ZFHX3: variants seen among roughly 807,000 people sequenced by gnomAD.
The protein encoded by ZFHX3 is zinc finger homeobox 3.
In ZFHX3, 42 loss-of-function variants were observed where a neutral mutation model predicts 279.1. That is an observed-to-expected ratio of 0.15 (90% confidence interval 0.12 to 0.19). The LOEUF (loss-of-function observed/expected upper bound fraction) is 0.19, where lower values mean the gene tolerates loss of function less well. ZFHX3 is among the 10% of genes least tolerant of loss of function. The pLI, the probability that ZFHX3 is intolerant of heterozygous loss-of-function variation, is 1.00. For missense variants in ZFHX3, 4,981 were observed against 4,754.0 expected (o/e 1.05, Z -1.40); for synonymous variants, 2,293 against 1,957.8 (o/e 1.17, Z -4.52).
chr16:73,298,233 TTA>T (rs201051677), intron 4 of ZFHX3, among the ~76,000 whole-genome samples: 4 of 151,170 alleles, frequency 2.6e-5, no homozygotes, highest in African/African-American at 9.8e-5. Flanking sequence ...TTTTTTTTTT[TTA>T]TATGGAGCTT....
chr16:73,383,401 C>CA (rs2016847760), intron 3 of ZFHX3, among the ~76,000 whole-genome samples: 1 of 152,198 alleles, frequency 6.6e-6, no homozygotes, highest in South Asian at 2.1e-4. Context: ...GCTGGTAACT[C>CA]AGGCTCCGTG....
chr16:72,965,593 T>C (rs1163128747), intron 1 of ZFHX3, among the ~76,000 whole-genome samples: 6 of 152,176 alleles, frequency 3.9e-5, no homozygotes, highest in Non-Finnish European at 8.8e-5. Flanking sequence ...GAATCCATGC[T>C]AAAAGGTCTC....
intron 3 of ZFHX3, among the ~76,000 whole-genome samples, chr16:73,409,805 G>C (rs1163297095): frequency 6.6e-6 from 1 of 152,178 alleles, no homozygotes; most frequent in African/African-American, 2.4e-5. Context: ...CCTATAATTT[G>C]CAGCAACATA....
intron 1 of ZFHX3, among the ~76,000 whole-genome samples, chr16:73,035,598 A>G (rs963014743): frequency 3.9e-5 from 6 of 152,378 alleles, no homozygotes; most frequent in East Asian, 1.9e-4. Context: ...TTAAAAAATA[A>G]TAATAGGCCA....
intron 5 of ZFHX3, among the ~76,000 whole-genome samples, chr16:73,202,462 A>G (rs1270208537): frequency 6.6e-6 from 1 of 152,248 alleles, no homozygotes; most frequent in Non-Finnish European, 1.5e-5. Context: ...CAGCCCAGCC[A>G]TATGGCCAGT....
At chr16:72,918,542 G>A (rs1250957916) in intron 3 of ZFHX3, among the ~76,000 whole-genome samples, 3 of 152,050 alleles carry the variant, frequency 2.0e-5, no homozygotes, top group Admixed American at 6.5e-5. Context: ...AGAGGAACAG[G>A]ACAAAAGTAT....
At chr16:73,388,476 T>A (rs1216392217) in intron 3 of ZFHX3, among the ~76,000 whole-genome samples, 2 of 152,158 alleles carry the variant, frequency 1.3e-5, no homozygotes, top group African/African-American at 4.8e-5. Context: ...ACCAAAAATA[T>A]CCTAGTCCCT....
At chr16:73,405,924 A>G (rs968703471) in intron 3 of ZFHX3, among the ~76,000 whole-genome samples, 6 of 152,342 alleles carry the variant, frequency 3.9e-5, no homozygotes, top group African/African-American at 1.4e-4. Context: ...CAAAATGTAA[A>G]TCTTTTCTTG....
intron 4 of ZFHX3, among the ~76,000 whole-genome samples, chr16:73,266,500 A>C (rs1341766970): frequency 6.6e-6 from 1 of 152,178 alleles, no homozygotes; most frequent in South Asian, 2.1e-4. Flanking sequence ...AATTTTTACA[A>C]TGCTACTGTG....
At chr16:73,591,078 G>C (rs1260915047) in intron 2 of ZFHX3, among the ~76,000 whole-genome samples, 1 of 152,118 alleles carries the variant, frequency 6.6e-6, no homozygotes, top group Non-Finnish European at 1.5e-5. Flanking sequence ...AATAAGCCAA[G>C]TGTGTGCCTC....
intron 1 of ZFHX3, among the ~76,000 whole-genome samples, chr16:73,730,950 G>T (rs1249579562): frequency 6.6e-6 from 1 of 152,166 alleles, no homozygotes. Flanking sequence ...TCTTCGAGAG[G>T]AAAGACAGCC....
intron 3 of ZFHX3, among the ~76,000 whole-genome samples, chr16:72,924,063 A>G (rs1959302592): frequency 6.6e-6 from 1 of 152,260 alleles, no homozygotes; most frequent in South Asian, 2.1e-4. Context: ...TCAAAATGCT[A>G]TAAAACACAC....
chr16:73,271,824 T>C (rs6564194), intron 4 of ZFHX3, among the ~76,000 whole-genome samples: 105,677 of 152,024 alleles, frequency 0.7, 37,796 homozygotes, highest in African/African-American at 0.87. Context: ...TGTTTTGTCT[T>C]CACTGGCCAC....
intron 5 of ZFHX3, among the ~76,000 whole-genome samples, chr16:73,203,200 C>G (rs940217018): frequency 1.3e-5 from 2 of 152,112 alleles, no homozygotes; most frequent in Admixed American, 6.6e-5. Context: ...AGGGTCGAGA[C>G]TATGCATCAA....
intron 3 of ZFHX3, among the ~76,000 whole-genome samples, chr16:73,408,221 A>C (rs1053033892): frequency 6.6e-6 from 1 of 151,992 alleles, no homozygotes; most frequent in Non-Finnish European, 1.5e-5. Flanking sequence ...GAGTGGACAC[A>C]GGAGAAAGAA....
chr16:73,180,132 C>T (rs909566685), intron 5 of ZFHX3, among the ~76,000 whole-genome samples: 3 of 152,132 alleles, frequency 2.0e-5, no homozygotes, highest in Non-Finnish European at 2.9e-5. Context: ...TGAGCCCAGC[C>T]GAATCCATCC....
chr16:73,478,756 T>C (rs1304313002), intron 2 of ZFHX3, among the ~76,000 whole-genome samples: 1 of 151,972 alleles, frequency 6.6e-6, no homozygotes, highest in Non-Finnish European at 1.5e-5. Context: ...ACTCCCCAGA[T>C]AAAACCCAGA....
At chr16:73,461,116 T>A (rs2018463730) in intron 2 of ZFHX3, among the ~76,000 whole-genome samples, 2 of 152,262 alleles carry the variant, frequency 1.3e-5, no homozygotes, top group Admixed American at 1.3e-4. Flanking sequence ...TGTCATGATA[T>A]CTCATCATCC....
intron 2 of ZFHX3, among the ~76,000 whole-genome samples, chr16:73,581,784 T>C (rs11647515): frequency 0.69 from 102,909 of 149,822 alleles, 35,923 homozygotes; most frequent in East Asian, 0.96. Flanking sequence ...GATTTTCCTG[T>C]CTCAGCCTCC....
Sources: gnomAD v4.1 joint callset for allele counts (sites outside exome capture counted in the v4.1 genomes callset) on GRCh38, gnomAD v4.1.1 for gene constraint, MANE v1.5 for transcripts, NCBI Gene and HGNC (gene_info 2026-07-23, HGNC 2026-07-21) for gene names.